The following GUCY2C variants were observed in gnomAD, a reference collection of about 807,000 sequenced individuals.
The protein encoded by GUCY2C is guanylyl cyclase C.
A neutral mutation model predicts 131.1 loss-of-function variants in GUCY2C; 118 were observed. The observed-to-expected ratio is 0.90, with a 90% CI of 0.78 to 1.05. The LOEUF is 1.05. Ranked by LOEUF, GUCY2C falls within the 50% of genes least tolerant of loss-of-function variation. The pLI, the probability that GUCY2C is intolerant of heterozygous loss-of-function variation, is 0.00. For missense variants in GUCY2C, 1,161 were observed against 1,304.4 expected, an observed-to-expected ratio of 0.89 and a Z score of 1.69; for synonymous variants, 452 against 457.8, an observed-to-expected ratio of 0.99 and a Z score of 0.16.
intron 24 of GUCY2C, 34 bp from the exon 25 acceptor site, chr12:14,616,761 C>G: frequency 1.7e-6 from 2 of 1,156,198 alleles, no homozygotes; most frequent in Non-Finnish European, 1.3e-6. Flanking sequence ...AAAATCCCAG[C>G]TAGTACACAG....
At position 14,696,587 on chromosome 12, in the gene GUCY2C, T is replaced by C. The variant is rs981603322; in HGVS notation, c.-139A>G. 1.5e-6 allele frequency: 1 copy of C among 648,692 alleles called. No homozygotes were observed. Among genetic ancestry groups the C allele is most frequent in the African/African-American group, 1.8e-5 (1 of 55,354 alleles). 40.2% of individuals were successfully genotyped at this position (648,692 alleles called of 1,614,324 possible). On this transcript the variant is annotated 5_prime_UTR_variant, in exon 1 of 27. The change abolishes an upstream ATG in the 5' untranslated region. Coordinates refer to ENST00000261170, the MANE Select transcript of GUCY2C (RefSeq NM_004963.4). The stretch of plus-strand genomic sequence containing the variant: ...TCTTCCCCACGCTTCTCTCTGGTCA[T>C]GCCCAACTGGTCACATGGGCCGTGG...
At chr12:14,683,982 C>T (rs2137096239) in intron 3 of GUCY2C, among the ~76,000 whole-genome samples, 1 of 152,280 alleles carries the variant, frequency 6.6e-6, no homozygotes, top group South Asian at 2.1e-4. Flanking sequence ...AATATCTTTG[C>T]AGTTATCCTC....
chr12:14,625,902 G>T lies in GUCY2C; in HGVS notation c.2263C>A (p.Gln755Lys). ...GTATCCATATAGCTTTCATTTTTTT[G>T]GTCATGAAAAAGTCTGTAGGTAGTA... is the stretch of plus-strand genomic sequence containing the variant. ...LAKIFGLFHDQKNESYMDTLI... is the reference protein window; with the variant it reads ...LAKIFGLFHDKKNESYMDTLI... The change falls in exon 21 of 27, where the codon CAA (glutamine) becomes AAA (lysine). Residue 755 changes from glutamine (Q) to lysine (K), a missense_variant. Transcript: ENST00000261170. 6.2e-7 allele frequency: 1 copy of T among 1,611,054 alleles called. No homozygotes were observed.
chr12:14,694,143 C>T (rs539849678), intron 1 of GUCY2C, among the ~76,000 whole-genome samples: 104 of 152,170 alleles, frequency 6.8e-4, no homozygotes, highest in African/African-American at 2.2e-3. Context: ...ACTGAGGTTC[C>T]GAAAATTTAA....
At chr12:14,640,495 A>G (rs1227788997) in intron 18 of GUCY2C, among the ~76,000 whole-genome samples, 1 of 151,760 alleles carries the variant, frequency 6.6e-6, no homozygotes, top group East Asian at 1.9e-4. Flanking sequence ...AAAAGAAAAG[A>G]AAAAAAGAAA....
chr12:14,685,096 T>C (rs1453236498), intron 3 of GUCY2C, among the ~76,000 whole-genome samples: 8 of 152,138 alleles, frequency 5.3e-5, no homozygotes, highest in African/African-American at 1.9e-4. Flanking sequence ...TTTACTTAAT[T>C]CTCTCTACTC....
At chr12:14,638,950 A>G (rs1947336037) in intron 19 of GUCY2C, among the ~76,000 whole-genome samples, 1 of 152,144 alleles carries the variant, frequency 6.6e-6, no homozygotes, top group Admixed American at 6.5e-5. Flanking sequence ...TGCGCATATG[A>G]CAAAATATCA....
At chr12:14,665,767 A>G (rs1313385582) in intron 10 of GUCY2C, 1 of 152,152 alleles carries the variant, frequency 6.6e-6, no homozygotes, top group African/African-American at 2.4e-5. Flanking sequence ...GGATGGTGTA[A>G]TCTCTTGGTG....
At chr12:14,647,592 A>C (rs1049583214) in intron 15 of GUCY2C, among the ~76,000 whole-genome samples, 3 of 152,216 alleles carry the variant, frequency 2.0e-5, no homozygotes, top group African/African-American at 7.2e-5. Context: ...ATAACTTAAC[A>C]ATCAGCTCTG....
At chr12:14,680,726 A>C (rs1423897343) in intron 5 of GUCY2C, among the ~76,000 whole-genome samples, 1 of 152,124 alleles carries the variant, frequency 6.6e-6, no homozygotes, top group Non-Finnish European at 1.5e-5. Context: ...TACATGAATA[A>C]GTTCTTTAGT....
intron 16 of GUCY2C, among the ~76,000 whole-genome samples, chr12:14,644,146 G>T (rs1375028116): frequency 1.3e-5 from 2 of 152,170 alleles, no homozygotes; most frequent in Admixed American, 6.5e-5. Context: ...AAGTGGAAGT[G>T]GTTTCATCCT....
In GUCY2C at chr12:14,660,522, T is replaced by A. The variant is rs181559815; in HGVS notation, c.1364+459A>T. 6.0e-4 allele frequency among the ~76,000 whole-genome samples: 91 copies of A among 152,370 alleles called. 2 individuals carry two copies. Among genetic ancestry groups the A allele is most frequent in the African/African-American group, 2.2e-3 (90 of 41,584 alleles). On this transcript the variant is annotated intron_variant, in intron 11 of 26. Coordinates refer to ENST00000261170, the MANE Select transcript of GUCY2C (RefSeq NM_004963.4). ...CTAAAATAGGAGATTTGGAATAAAT[T>A]GTTTCTAAAACCTCTCCCAGTCTAA...
Position 14,643,620 on chromosome 12 carries a change from C to T in GUCY2C, c.1884G>A (p.Val628=). The T allele has an allele frequency of 6.2e-7, 1 of 1,613,742 alleles. No homozygotes were observed. Among genetic ancestry groups the T allele is most frequent in the Non-Finnish European group, 8.5e-7 (1 of 1,179,656 alleles). The change falls in exon 17 of 27, where the codon GTG becomes GTA. Residue 628 remains valine, a synonymous_variant. Coordinates refer to ENST00000261170, the MANE Select transcript of GUCY2C (RefSeq NM_004963.4). ...AATTGCAGCCAAAATCAGTGATCTT[C>T]ACCACCATTCTACTGTCCACTACGC... The part of the protein sequence containing the change: ...TNCVVDSRMV[V]KITDFGCNSI...
In GUCY2C at chr12:14,694,602, C is replaced by T. The variant is rs80067841; in HGVS notation, c.217+1630G>A. Among the ~76,000 whole-genome samples the T allele has an allele frequency of 4.3e-3, 653 of 152,238 alleles. 31 individuals are homozygous for T. The East Asian group carries it at 0.11, about 25-fold the overall frequency. On this transcript the variant is annotated intron_variant, in intron 1 of 26. Transcript: ENST00000261170. Reference sequence around the variant, plus strand: ...TTCTTTCCATTGTACCACACTGCCTCGGTAAATAAGGGGACTTCACTAAAT... The same window carrying T: ...TTCTTTCCATTGTACCACACTGCCTTGGTAAATAAGGGGACTTCACTAAAT...
In GUCY2C at chr12:14,686,135, C is replaced by A; in HGVS notation, c.395+26G>T. On this transcript the variant is annotated intron_variant, in intron 3 of 26. Transcript: ENST00000261170. Reference sequence around the variant, plus strand: ...TTTAAGTTGCAATATCATGTCCTGACTTCAGTTCACAGTAGTATTACTTAC... The same window carrying A: ...TTTAAGTTGCAATATCATGTCCTGAATTCAGTTCACAGTAGTATTACTTAC... 2.1e-6 allele frequency: 3 copies of A among 1,416,460 alleles called. No homozygotes were observed. The East Asian group carries it at 6.8e-5, about 32-fold the overall frequency. 87.7% of individuals were successfully genotyped at this position (1,416,460 alleles called of 1,614,324 possible).
chr12:14,632,454 T>A (rs942771798), intron 19 of GUCY2C, among the ~76,000 whole-genome samples: 5 of 152,132 alleles, frequency 3.3e-5, no homozygotes, highest in African/African-American at 9.7e-5. Context: ...TAATTAGAAA[T>A]TTTTCACAGG....
At chr12:14,633,011 A>T (rs1947181878) in intron 19 of GUCY2C, among the ~76,000 whole-genome samples, 1 of 152,126 alleles carries the variant, frequency 6.6e-6, no homozygotes. Flanking sequence ...GGCTACTTCC[A>T]CTACTCATGC....
intron 1 of GUCY2C, among the ~76,000 whole-genome samples, chr12:14,689,091 G>A (rs148075745): frequency 6.6e-6 from 1 of 152,342 alleles, no homozygotes; most frequent in Non-Finnish European, 1.5e-5. Flanking sequence ...AATAGATTGT[G>A]GGGAACAGAA....
intron 9 of GUCY2C, among the ~76,000 whole-genome samples, chr12:14,670,311 T>G (rs1948079194): frequency 6.6e-6 from 1 of 152,194 alleles, no homozygotes; most frequent in Admixed American, 6.5e-5. Flanking sequence ...CTGAAATAAC[T>G]ACATTTCTTA....
Sources: allele counts gnomAD v4.1 joint callset (sites outside exome capture counted in the v4.1 genomes callset), GRCh38; gene constraint gnomAD v4.1.1; transcripts MANE v1.5; gene names NCBI Gene and HGNC (gene_info 2026-07-23, HGNC 2026-07-21).